Variants in TENM3 observed in about 807,000 individuals in gnomAD.
TENM3 encodes teneurin transmembrane protein 3.
In TENM3, 63 loss-of-function variants were observed where a neutral mutation model predicts 255.1. The observed-to-expected ratio is 0.25, with a 90% CI of 0.20 to 0.30. The LOEUF (loss-of-function observed/expected upper bound fraction) is 0.30. TENM3 is among the 10% of genes least tolerant of loss of function. TENM3 has a pLI of 1.00. For missense variants in TENM3, 2,929 were observed against 3,461.1 expected (o/e 0.85, Z 3.86); for synonymous variants, 1,306 against 1,322.3 (o/e 0.99, Z 0.27).
the TENM3 span, among the ~76,000 whole-genome samples, chr4:181,666,443 A>G: frequency 2.0e-5 from 3 of 152,194 alleles, no homozygotes; most frequent in Non-Finnish European, 4.4e-5. Context: ...ACAATTAAGC[A>G]GTAGATTCAC....
the TENM3 span, among the ~76,000 whole-genome samples, chr4:181,742,663 T>A: frequency 1.3e-5 from 2 of 151,324 alleles, no homozygotes; most frequent in African/African-American, 4.9e-5. Flanking sequence ...TTTTTGCTGT[T>A]TTATTTATTT....
chr4:181,882,284 G>A, the TENM3 span, among the ~76,000 whole-genome samples: 2 of 152,168 alleles, frequency 1.3e-5, no homozygotes, highest in African/African-American at 4.8e-5. Flanking sequence ...TCCTCTACAT[G>A]GGAGCTGGGA....
intron 1 of TENM3, among the ~76,000 whole-genome samples, chr4:182,288,884 G>A (rs886195792): frequency 1.6e-4 from 25 of 152,126 alleles, no homozygotes; most frequent in Admixed American, 4.6e-4. Context: ...AATAAAGGTC[G>A]GGGGCTGGAA....
chr4:181,713,251 C>T, the TENM3 span, among the ~76,000 whole-genome samples: 9 of 152,178 alleles, frequency 5.9e-5, no homozygotes, highest in Non-Finnish European at 1.2e-4. Flanking sequence ...AGAGGTTGAA[C>T]ACCTGAATAA....
At chr4:182,573,230 T>C (rs1240008517) in intron 3 of TENM3, among the ~76,000 whole-genome samples, 5 of 152,184 alleles carry the variant, frequency 3.3e-5, no homozygotes, top group Non-Finnish European at 1.5e-5. Flanking sequence ...GAGTAGGACT[T>C]ACCGAATAAT....
At chr4:181,931,143 A>G in the TENM3 span, among the ~76,000 whole-genome samples, 22 of 152,330 alleles carry the variant, frequency 1.4e-4, no homozygotes, top group African/African-American at 5.1e-4. Flanking sequence ...CCTATTCAAC[A>G]TAGTATTGGA....
chr4:182,329,405 A>T lies in TENM3; in HGVS notation c.232+5153A>T, dbSNP rs1011009798. Among the ~76,000 whole-genome samples, 5 of 152,316 alleles carry T rather than the reference A, an allele frequency of 3.3e-5. No homozygotes were observed. The East Asian group carries it at 7.7e-4, about 24-fold the overall frequency. ...CCTCAGGAGCTGGGGAAGCCTGAAC[A>T]GATGCATTTCTCCCTCTGATAGGGT... On this transcript the variant is annotated intron_variant, in intron 2 of 27. Transcript: ENST00000511685.
At chr4:181,992,418 A>G in the TENM3 span, among the ~76,000 whole-genome samples, 4 of 152,186 alleles carry the variant, frequency 2.6e-5, no homozygotes, top group Non-Finnish European at 5.9e-5. Flanking sequence ...TAATAATGCA[A>G]ATCACACTAA....
At chr4:181,570,579 GAGA>G in the TENM3 span, among the ~76,000 whole-genome samples, 5 of 139,946 alleles carry the variant, frequency 3.6e-5, no homozygotes, top group African/African-American at 1.4e-4. Context: ...AAGGAAAAGA[GAGA>G]AAAAGAAAGA....
the TENM3 span, among the ~76,000 whole-genome samples, chr4:181,839,407 A>ATG: frequency 1.5e-3 from 185 of 125,230 alleles, 4 homozygotes; most frequent in African/African-American, 5.3e-3. Context: ...ATATATATAT[A>ATG]CATGTATGCC....
At chr4:182,771,247 G>A (rs1764181436) in intron 22 of TENM3, among the ~76,000 whole-genome samples, 1 of 152,158 alleles carries the variant, frequency 6.6e-6, no homozygotes, top group African/African-American at 2.4e-5. Context: ...ATTGAATGGG[G>A]CTAGAAAATA....
At chr4:182,557,601 A>C (rs1006983975) in intron 3 of TENM3, among the ~76,000 whole-genome samples, 8 of 152,102 alleles carry the variant, frequency 5.3e-5, no homozygotes, top group Non-Finnish European at 1.2e-4. Context: ...TGCTCTGTTG[A>C]TTGAATCTAC....
In TENM3 at chr4:182,702,451, A is replaced by G. The variant is rs558180247; in HGVS notation, c.2222-11636A>G. ...AAGTCAGACTTTTTCTTTTCTTCAT[A>G]GTCACTTAAAAAATACCAGCTCCCT... is the stretch of plus-strand genomic sequence containing the variant. On this transcript the variant is annotated intron_variant, in intron 12 of 27. Coordinates refer to ENST00000511685, the MANE Select transcript of TENM3 (RefSeq NM_001080477.4). Among the ~76,000 whole-genome samples, 35 of 152,258 alleles carry G rather than the reference A, an allele frequency of 2.3e-4. No individual in the cohort carries two copies. In the East Asian group the frequency reaches 6.4e-3, roughly 28 times the overall value.
chr4:181,954,526 C>T, the TENM3 span, among the ~76,000 whole-genome samples: 1 of 152,074 alleles, frequency 6.6e-6, no homozygotes, highest in Non-Finnish European at 1.5e-5. Flanking sequence ...GCTAATAATC[C>T]TGAGCTTTTA....
intron 3 of TENM3, among the ~76,000 whole-genome samples, chr4:182,399,299 T>C (rs12647241): frequency 0.52 from 78,727 of 151,714 alleles, 20,767 homozygotes; most frequent in South Asian, 0.57. Context: ...CTTTTTTTTT[T>C]CATCTTTAAA....
At chr4:182,230,627 C>T (rs1424128899) in intron 1 of TENM3, among the ~76,000 whole-genome samples, 1 of 151,590 alleles carries the variant, frequency 6.6e-6, no homozygotes, top group Non-Finnish European at 1.5e-5. Flanking sequence ...GCTTTAACCT[C>T]CCCATCTGCA....
chr4:182,205,132 C>T (rs1273457829), intron 1 of TENM3, among the ~76,000 whole-genome samples: 9 of 152,156 alleles, frequency 5.9e-5, no homozygotes, highest in African/African-American at 1.9e-4. Flanking sequence ...ATTCCTCCTT[C>T]GGCATCTGAC....
intron 3 of TENM3, among the ~76,000 whole-genome samples, chr4:182,480,496 A>G (rs951648154): frequency 6.6e-6 from 1 of 152,186 alleles, no homozygotes; most frequent in African/African-American, 2.4e-5. Flanking sequence ...TTTTTGAAAT[A>G]CAGTTTTTAA....
At chr4:182,535,027 T>C (rs1253948641) in intron 3 of TENM3, among the ~76,000 whole-genome samples, 1 of 152,324 alleles carries the variant, frequency 6.6e-6, no homozygotes, top group East Asian at 1.9e-4. Flanking sequence ...TCAGGATTGC[T>C]GTGGTACTGA....
Sources: allele counts gnomAD v4.1 joint callset (sites outside exome capture counted in the v4.1 genomes callset), GRCh38; gene constraint gnomAD v4.1.1; transcripts MANE v1.5; gene names NCBI Gene and HGNC (gene_info 2026-07-23, HGNC 2026-07-21).